Variants in SPECC1L observed in about 807,000 individuals in gnomAD.
SPECC1L encodes sperm antigen with calponin homology and coiled-coil domains 1 like, also known as cytospin-A.
SPECC1L carries 40 observed loss-of-function variants against 116.8 expected under a neutral mutation model. The ratio of observed to expected loss-of-function variants is 0.34; its 90% CI spans 0.27 to 0.45. The LOEUF (loss-of-function observed/expected upper bound fraction) is 0.45, where lower values mean the gene tolerates loss of function less well. SPECC1L is among the 20% of genes least tolerant of loss of function. SPECC1L has a pLI of 1.00. For missense variants in SPECC1L, 1,110 were observed against 1,373.6 expected (o/e 0.81, Z 3.03); for synonymous variants, 504 against 500.6 (o/e 1.01, Z -0.09).
At chr22:24,404,413 C>T (rs916021963) in intron 14 of SPECC1L, among the ~76,000 whole-genome samples, 3 of 152,212 alleles carry the variant, frequency 2.0e-5, no homozygotes, top group African/African-American at 4.8e-5. Flanking sequence ...ACACACCCCT[C>T]ATCTGCTCAG....
At chr22:24,360,601 A>C (rs896274340) in intron 11 of SPECC1L, among the ~76,000 whole-genome samples, 1 of 152,178 alleles carries the variant, frequency 6.6e-6, no homozygotes, top group African/African-American at 2.4e-5. Flanking sequence ...GTAAAAGAGA[A>C]AATTAAGATA....
At chr22:24,329,632 G>C (rs1358978758) in intron 7 of SPECC1L, among the ~76,000 whole-genome samples, 2 of 152,200 alleles carry the variant, frequency 1.3e-5, no homozygotes, top group African/African-American at 4.8e-5. Flanking sequence ...CTATGGCTCT[G>C]ATGGAGGTGA....
At chr22:24,400,661 G>A (rs1238100545) in intron 14 of SPECC1L, among the ~76,000 whole-genome samples, 2 of 152,168 alleles carry the variant, frequency 1.3e-5, no homozygotes, top group Admixed American at 6.5e-5. Flanking sequence ...CCTCAGCAGC[G>A]GCATCATTTG....
intron 4 of SPECC1L, among the ~76,000 whole-genome samples, chr22:24,317,366 C>T (rs1474555547): frequency 8.1e-6 from 1 of 122,970 alleles, no homozygotes; most frequent in African/African-American, 2.9e-5. Flanking sequence ...AGAGGGGCTC[C>T]TCACTTCCCA....
chr22:24,335,377 T>G (rs1357199792), intron 9 of SPECC1L, among the ~76,000 whole-genome samples: 1 of 152,208 alleles, frequency 6.6e-6, no homozygotes, highest in African/African-American at 2.4e-5. Context: ...TTTGCCTCAG[T>G]TGAACCACTC....
chr22:24,366,973 C>A (rs1320849526), intron 13 of SPECC1L, among the ~76,000 whole-genome samples: 1 of 152,154 alleles, frequency 6.6e-6, no homozygotes, highest in African/African-American at 2.4e-5. Context: ...ATGGGCAGAT[C>A]ACTTGAGGTC....
At chr22:24,323,297 T>C (rs987755813) in intron 5 of SPECC1L, among the ~76,000 whole-genome samples, 1 of 152,224 alleles carries the variant, frequency 6.6e-6, no homozygotes, top group Non-Finnish European at 1.5e-5. Flanking sequence ...TTCCAGTCTG[T>C]AGCATCAGCA....
At position 24,370,817 on chromosome 22, in the gene SPECC1L, A is replaced by G. The variant is rs373824494; in HGVS notation, c.3087+1497A>G. On this transcript the variant is annotated intron_variant, in intron 14 of 16. Transcript: ENST00000314328. ...GACATTGTGCTAAATGAAACAAGCCATATACAAAAGGGCTAATACTACATG... is the reference window on the plus strand; with the variant it reads ...GACATTGTGCTAAATGAAACAAGCCGTATACAAAAGGGCTAATACTACATG... Among the ~76,000 whole-genome samples, 46 of 152,330 alleles carry G rather than the reference A, an allele frequency of 3.0e-4. No homozygotes were observed. In the East Asian group the frequency reaches 8.1e-3, roughly 27 times the overall value.
intron 14 of SPECC1L, among the ~76,000 whole-genome samples, chr22:24,407,112 G>GT (rs1445693321): frequency 6.6e-6 from 1 of 152,196 alleles, no homozygotes; most frequent in Non-Finnish European, 1.5e-5. Context: ...TTGGAGCCAC[G>GT]TGCAGCAGTC....
chr22:24,317,855 G>A (rs1436058465), intron 4 of SPECC1L, among the ~76,000 whole-genome samples: 5 of 151,448 alleles, frequency 3.3e-5, no homozygotes, highest in African/African-American at 9.7e-5. Flanking sequence ...TGGTGCGGCC[G>A]GGCAGAGACG....
Position 24,294,137 on chromosome 22 carries a change from A to G in SPECC1L, c.-37-8058A>G, listed in dbSNP as rs558783884. ...AGCCATACTGTATTCTAGCCAAGTC[A>G]TTAGAGTTCTTCAGTTGAACCTGTG... On this transcript the variant is annotated intron_variant, in intron 2 of 16. Transcript: ENST00000314328. 1.4e-3 allele frequency among the ~76,000 whole-genome samples: 114 copies of G among 80,918 alleles called. 1 individual carries two copies. The highest frequency in any genetic ancestry group is 1.8e-3 in the Non-Finnish European group (77 of 42,120). 53.1% of individuals were successfully genotyped at this position (80,918 alleles called of 152,430 possible). A position where few individuals can be genotyped will look rare whatever the true frequency, so the allele number is the denominator to read the frequency against.
At chr22:24,359,213 T>C (rs2146608021) in intron 11 of SPECC1L, among the ~76,000 whole-genome samples, 1 of 152,330 alleles carries the variant, frequency 6.6e-6, no homozygotes, top group South Asian at 2.1e-4. Context: ...CAGCACATTC[T>C]AATCTTACTT....
chr22:24,401,720 T>G (rs1382015630), intron 14 of SPECC1L, among the ~76,000 whole-genome samples: 1 of 152,228 alleles, frequency 6.6e-6, no homozygotes, highest in Non-Finnish European at 1.5e-5. Flanking sequence ...CACCCCATTG[T>G]ACTTAACACC....
intron 2 of SPECC1L, among the ~76,000 whole-genome samples, chr22:24,289,721 A>G (rs2049121381): frequency 7.0e-6 from 1 of 143,790 alleles, no homozygotes; most frequent in East Asian, 2.0e-4. Context: ...TTAGCATCCT[A>G]TGTGTAGTTG....
chr22:24,321,116 T>C (rs1457294329), intron 4 of SPECC1L, among the ~76,000 whole-genome samples, 172 bp from the exon 5 acceptor site: 1 of 152,254 alleles, frequency 6.6e-6, no homozygotes, highest in Non-Finnish European at 1.5e-5. Flanking sequence ...AATGATCTTC[T>C]GGTTTTGAAG....
chr22:24,299,862 T>C (rs538606468), intron 2 of SPECC1L, among the ~76,000 whole-genome samples: 1 of 152,298 alleles, frequency 6.6e-6, no homozygotes, highest in East Asian at 1.9e-4. Context: ...AAAGAAACCC[T>C]GTATCCATTA....
intron 2 of SPECC1L, among the ~76,000 whole-genome samples, chr22:24,298,546 A>C (rs968046948): frequency 5.9e-5 from 9 of 152,114 alleles, no homozygotes; most frequent in African/African-American, 2.2e-4. Flanking sequence ...AGATCCAGGA[A>C]AGCTGATGGT....
intron 6 of SPECC1L, among the ~76,000 whole-genome samples, chr22:24,327,421 A>G (rs536070821): frequency 1.1e-4 from 16 of 152,234 alleles, no homozygotes; most frequent in African/African-American, 3.9e-4. Flanking sequence ...GAAAGAAAGA[A>G]CATCAGCATA....
rs529314817 is a variant in SPECC1L, at chr22:24,321,519, C to G, written c.539C>G (p.Ala180Gly). 1.9e-6 allele frequency: 3 copies of G among 1,614,234 alleles called. No individual in the cohort carries two copies. The highest frequency in any genetic ancestry group is 2.7e-5 in the African/African-American group (2 of 75,064). Residue 180 changes from alanine to glycine, a missense_variant, in exon 5 of 17, where the codon GCT becomes GGT. By Grantham distance (60) the Ala-to-Gly change is moderately conservative. Transcript: ENST00000314328. Reference protein sequence around the residue: ...KSDNQISDRAALEAKVKDLLT... With the variant: ...KSDNQISDRAGLEAKVKDLLT... ...GACAATCAGATCAGTGACAGAGCTG[C>G]TTTGGAGGCCAAAGTGAAGGATCTT...
Sources: gnomAD v4.1 joint callset for allele counts (sites outside exome capture counted in the v4.1 genomes callset) on GRCh38, gnomAD v4.1.1 for gene constraint, MANE v1.5 for transcripts, NCBI Gene and HGNC (gene_info 2026-07-23, HGNC 2026-07-21) for gene names.